MICAL3: variants seen among roughly 807,000 people sequenced by gnomAD.
MICAL3 encodes [F-actin]-monooxygenase MICAL3.
MICAL3 carries 62 observed loss-of-function variants against 207.4 expected under a neutral mutation model. The ratio of observed to expected loss-of-function variants is 0.30; its 90% confidence interval spans 0.24 to 0.37. The LOEUF is 0.37. MICAL3 is among the 10% of genes least tolerant of loss of function. The pLI is 1.00. For missense variants in MICAL3, 2,368 were observed against 2,635.6 expected (o/e 0.90, Z 2.22); for synonymous variants, 1,077 against 1,069.3 (o/e 1.01, Z -0.14).
At chr22:18,017,124 A>G (rs1924109020) in intron 1 of MICAL3, among the ~76,000 whole-genome samples, 2 of 152,214 alleles carry the variant, frequency 1.3e-5, no homozygotes, top group African/African-American at 2.4e-5. Context: ...CAAAGGCCCA[A>G]GTCAGTCCTT....
At chr22:17,839,257 C>CTTTTTTTT (rs1569088578) in intron 20 of MICAL3, among the ~76,000 whole-genome samples, 2 of 88,046 alleles carry the variant, frequency 2.3e-5, no homozygotes, top group Admixed American at 9.9e-5. Flanking sequence ...CCGGGCTCTT[C>CTTTTTTTT]ATTTTTTTTT....
At chr22:17,819,736 G>A (rs1049357974) in intron 25 of MICAL3, among the ~76,000 whole-genome samples, 7 of 151,522 alleles carry the variant, frequency 4.6e-5, no homozygotes, top group East Asian at 2.0e-4. Context: ...TCAGGAGATC[G>A]AGACCATCCT....
At chr22:17,830,462 A>T (rs1226963451) in intron 21 of MICAL3, among the ~76,000 whole-genome samples, 2 of 152,202 alleles carry the variant, frequency 1.3e-5, no homozygotes, top group Non-Finnish European at 2.9e-5. Context: ...CTGAAAAGGG[A>T]ACGTGCTTCG....
At chr22:17,981,176 T>C (rs1177296562) in intron 1 of MICAL3, among the ~76,000 whole-genome samples, 1 of 152,034 alleles carries the variant, frequency 6.6e-6, no homozygotes, top group Non-Finnish European at 1.5e-5. Flanking sequence ...TAAATATATA[T>C]CATAAAATAC....
rs138624276 is a variant in MICAL3 at position 17,937,322 on chromosome 22, C to G, written c.-74-30436G>C. Among the ~76,000 whole-genome samples, 10 of 152,266 alleles carry G rather than the reference C, an allele frequency of 6.6e-5. No individual in the cohort carries two copies. In the East Asian group the frequency reaches 1.9e-3, roughly 29 times the overall value. ...GGATGTTATTTTAAATTGGACAAGG[C>G]CAAAGTCTAGCTTTCCCCCCGATCT... On this transcript the variant is annotated intron_variant, in intron 1 of 31. Transcript: ENST00000441493.
chr22:17,884,160 C>T (rs1460878626), intron 16 of MICAL3: 1 of 603,780 alleles, frequency 1.7e-6, no homozygotes, highest in Admixed American at 3.9e-5. Flanking sequence ...GCAGAGATTT[C>T]CTGCCCTCAT....
At chr22:17,847,416 G>A (rs1924747430) in intron 19 of MICAL3, among the ~76,000 whole-genome samples, 2 of 152,138 alleles carry the variant, frequency 1.3e-5, no homozygotes, top group South Asian at 2.1e-4. Flanking sequence ...TAGGATGGCT[G>A]CAGGGGTTCA....
intron 1 of MICAL3, among the ~76,000 whole-genome samples, chr22:17,958,705 A>T (rs5747434): frequency 0.33 from 44,104 of 134,596 alleles, 6,848 homozygotes; most frequent in East Asian, 0.52. Flanking sequence ...GGGTTTTTTT[A>T]TTTTTTTTTT....
Position 17,818,392 on chromosome 22 carries a change from G to A in MICAL3, c.4269C>T (p.Ser1423=), listed in dbSNP as rs773062836. 1 of 1,610,430 alleles carries A rather than the reference G, an allele frequency of 6.2e-7. No individual in the cohort carries two copies. The highest frequency in any genetic ancestry group is 2.2e-5 in the East Asian group (1 of 44,858). The change falls in exon 26 of 32, where the codon TCC becomes TCT. Residue 1423 remains serine (S), a synonymous_variant. Coordinates refer to ENST00000441493, the MANE Select transcript of MICAL3 (RefSeq NM_015241.3). The stretch of plus-strand genomic sequence containing the variant: ...CGTGCAGGCCCAGGCCAGAGCTGCT[G>A]GACAGCTCCCTGCGCTCCTCCTGGG... ...RSAQEERREL[S]SSSGLGLHGS... is the part of the protein sequence containing the mutation.
intron 22 of MICAL3, among the ~76,000 whole-genome samples, chr22:17,827,202 C>A (rs544391993): frequency 1.3e-4 from 20 of 151,618 alleles, no homozygotes; most frequent in Admixed American, 1.2e-3. Context: ...ACTGTGGAGG[C>A]CTCCTGGACA....
chr22:17,880,324 A>G (rs560160270), intron 16 of MICAL3, among the ~76,000 whole-genome samples: 1 of 152,344 alleles, frequency 6.6e-6, no homozygotes, highest in African/African-American at 2.4e-5. Flanking sequence ...GGTTACTGTG[A>G]GAACTGACGG....
intron 21 of MICAL3, among the ~76,000 whole-genome samples, chr22:17,828,226 C>T (rs76254407): frequency 2.2e-3 from 338 of 152,370 alleles, no homozygotes; most frequent in African/African-American, 7.9e-3. Flanking sequence ...CACTATCCTG[C>T]CCCTCTGCTG....
chr22:17,790,531 G>C lies in MICAL3; in HGVS notation c.*201C>G, dbSNP rs970973057. 5.1e-6 allele frequency: 3 copies of C among 588,858 alleles called. No individual in the cohort carries two copies. The highest frequency in any genetic ancestry group is 9.0e-6 in the Non-Finnish European group (3 of 332,762). 36.5% of individuals were successfully genotyped at this position (588,858 alleles called of 1,614,324 possible). On this transcript the variant is annotated 3_prime_UTR_variant, in exon 32 of 32. Transcript: ENST00000441493. ...GGTCCAGGTGGGCCTCCTCCCAGGAGGTGGAGCCGTCTCAGATAACCACTG... is the reference window on the plus strand; with the variant it reads ...GGTCCAGGTGGGCCTCCTCCCAGGACGTGGAGCCGTCTCAGATAACCACTG...
At chr22:17,990,135 G>T (rs557005468) in intron 1 of MICAL3, among the ~76,000 whole-genome samples, 5 of 152,324 alleles carry the variant, frequency 3.3e-5, no homozygotes, top group African/African-American at 1.2e-4. Context: ...AAAGCCCCAG[G>T]GGATCAGGAG....
At chr22:17,838,429 CCCCTGG>C (rs1483527911) in intron 20 of MICAL3, among the ~76,000 whole-genome samples, 1 of 152,232 alleles carries the variant, frequency 6.6e-6, no homozygotes, top group Non-Finnish European at 1.5e-5. Flanking sequence ...CCTGGCCCTG[CCCCTGG>C]CCCTGTGGTG....
At chr22:17,952,742 C>T (rs1310753316) in intron 1 of MICAL3, among the ~76,000 whole-genome samples, 1 of 152,164 alleles carries the variant, frequency 6.6e-6, no homozygotes, top group Non-Finnish European at 1.5e-5. Context: ...GCCAGTTCTG[C>T]AGGATCTGCC....
intron 28 of MICAL3, among the ~76,000 whole-genome samples, chr22:17,810,293 G>T (rs1239799140): frequency 1.3e-5 from 2 of 152,042 alleles, no homozygotes; most frequent in South Asian, 2.1e-4. Flanking sequence ...TCAATCTCCT[G>T]ACCTTGTGAT....
intron 1 of MICAL3, among the ~76,000 whole-genome samples, chr22:17,920,375 C>A (rs1932773678): frequency 6.6e-6 from 1 of 152,152 alleles, no homozygotes; most frequent in Non-Finnish European, 1.5e-5. Flanking sequence ...CTCCTAATGA[C>A]CCTCTTCCGG....
At chr22:17,904,547 CCT>C (rs1931574955) in intron 3 of MICAL3, 83 bp downstream of exon 3, 10 of 1,016,796 alleles carry the variant, frequency 9.8e-6, no homozygotes, top group Non-Finnish European at 1.6e-5. Context: ...CATATGAATT[CCT>C]CAGCTAATCT....
Sources: gnomAD v4.1 joint callset for allele counts (sites outside exome capture counted in the v4.1 genomes callset) on GRCh38, gnomAD v4.1.1 for gene constraint, MANE v1.5 for transcripts, NCBI Gene and HGNC (gene_info 2026-07-23, HGNC 2026-07-21) for gene names.